Variants in PPEF1 observed in about 807,000 individuals in gnomAD.
The protein encoded by PPEF1 is protein phosphatase with EF-hand domain 1, also known as serine/threonine-protein phosphatase with EF-hands 1.
A neutral mutation model predicts 53.3 loss-of-function variants in PPEF1; 12 were observed. The ratio of observed to expected loss-of-function variants is 0.23; its 90% CI spans 0.14 to 0.36. The LOEUF is 0.36. Among genes scored for constraint, PPEF1 ranks in the 10% least tolerant of loss-of-function variants. The pLI, the probability that PPEF1 is intolerant of heterozygous loss-of-function variation, is 1.00. For synonymous variants in PPEF1, 165 were observed against 176.7 expected, an observed-to-expected ratio of 0.93 and a Z score of 0.52; for missense variants, 334 against 490.4, an observed-to-expected ratio of 0.68 and a Z score of 3.01.
chrX:18,776,805 A>G (rs1380944955), intron 6 of PPEF1, among the ~76,000 whole-genome samples: 1 of 111,493 alleles, frequency 9.0e-6, no homozygotes, highest in Non-Finnish European at 1.9e-5. Context: ...CTGTAATCCC[A>G]GCTACTCGGG....
chrX:18,708,771 G>T (rs758167648), intron 1 of PPEF1, among the ~76,000 whole-genome samples: 19 of 112,087 alleles, frequency 1.7e-4, no homozygotes, highest in African/African-American at 6.1e-4. Flanking sequence ...CTGAAAGTAG[G>T]AAGGGACATA....
intron 12 of PPEF1, among the ~76,000 whole-genome samples, chrX:18,808,533 A>T (rs764934763): frequency 1.1e-5 from 1 of 87,207 alleles, no homozygotes; most frequent in African/African-American, 4.1e-5. Flanking sequence ...ATATATAAGG[A>T]ACTCATACGA....
upstream of PPEF1, among the ~76,000 whole-genome samples, chrX:18,680,049 A>G (rs1355112974): frequency 9.5e-6 from 1 of 104,781 alleles, no homozygotes; most frequent in Non-Finnish European, 1.9e-5. Context: ...TGACTGTGCC[A>G]TTACACCCCA....
intron 13 of PPEF1, 106 bp from the exon 14 acceptor site, chrX:18,823,817 G>A: frequency 1.1e-6 from 1 of 871,324 alleles, no homozygotes; most frequent in Non-Finnish European, 1.6e-6. Context: ...GATAAATTAT[G>A]AGGGAGAGCA....
At chrX:18,750,951 A>T in intron 4 of PPEF1, among the ~76,000 whole-genome samples, 1 of 111,456 alleles carries the variant, frequency 9.0e-6, no homozygotes, top group Non-Finnish European at 1.9e-5. Context: ...GATGTTGAGC[A>T]TCTTTTTATG....
At chrX:18,681,212 C>T (rs1602333217), upstream of PPEF1, among the ~76,000 whole-genome samples, 1 of 111,680 alleles carries the variant, frequency 9.0e-6, no homozygotes, top group Non-Finnish European at 1.9e-5. Context: ...CTCTTGACCT[C>T]GTGATCCGCC....
intron 3 of PPEF1, among the ~76,000 whole-genome samples, chrX:18,745,618 T>G (rs757669218): frequency 2.4e-4 from 27 of 111,616 alleles, no homozygotes; most frequent in Non-Finnish European, 4.1e-4. Flanking sequence ...CATGTCTTAT[T>G]GCATTGGCCA....
At position 18,819,010 on chromosome X, in the gene PPEF1, T is replaced by G. The variant is rs769526665; in HGVS notation, c.1501+865T>G. Among the ~76,000 whole-genome samples the G allele has an allele frequency of 1.1e-4, 12 of 111,745 alleles. No homozygotes were observed. The East Asian group carries it at 2.8e-3, about 26-fold the overall frequency. On this transcript the variant is annotated intron_variant, in intron 13 of 15. Transcript: ENST00000470157. ...ACCCTCAAAGTGGCTAAAGTTGTCC[T>G]AAGTCTGTAATGCTCCCTGACTCCT...
intron 6 of PPEF1, among the ~76,000 whole-genome samples, chrX:18,771,092 G>A (rs1032376236): frequency 1.2e-4 from 13 of 111,888 alleles, no homozygotes; most frequent in Admixed American, 7.6e-4. Context: ...TGGGGCCAGT[G>A]CACTGTTCAT....
intron 2 of PPEF1, among the ~76,000 whole-genome samples, chrX:18,731,228 T>C (rs2044831788): frequency 8.9e-6 from 1 of 112,200 alleles, no homozygotes; most frequent in African/African-American, 3.2e-5. Flanking sequence ...CAGGAAATTG[T>C]TTACAGTAGT....
At chrX:18,693,564 T>G (rs1021528708) in intron 4 of PPEF1, among the ~76,000 whole-genome samples, 2 of 112,148 alleles carry the variant, frequency 1.8e-5, no homozygotes, top group African/African-American at 6.5e-5. Flanking sequence ...CTGTGATTTA[T>G]TTTTTATTTT....
At chrX:18,739,185 C>T (rs769623329) in intron 3 of PPEF1, among the ~76,000 whole-genome samples, 71 of 112,753 alleles carry the variant, frequency 6.3e-4, no homozygotes, top group African/African-American at 2.1e-3. Context: ...CGAGGAGCTG[C>T]GTTCCTTTGG....
chrX:18,762,747 C>G (rs920460485), intron 6 of PPEF1, among the ~76,000 whole-genome samples: 1 of 111,679 alleles, frequency 9.0e-6, no homozygotes, highest in Non-Finnish European at 1.9e-5. Flanking sequence ...GTGAGAATGA[C>G]CAGAGGTCAC....
At chrX:18,679,564 C>G (rs1262400619), upstream of PPEF1, among the ~76,000 whole-genome samples, 1 of 111,996 alleles carries the variant, frequency 8.9e-6, no homozygotes, top group Non-Finnish European at 1.9e-5. Context: ...ACACTCTAAT[C>G]AAAGCCACTA....
At chrX:18,677,592 C>T (rs746998195) in intron 1 of PPEF1, among the ~76,000 whole-genome samples, 3 of 111,283 alleles carry the variant, frequency 2.7e-5, no homozygotes, top group African/African-American at 9.8e-5. Context: ...GTCTTATCTC[C>T]GTAAACCTCC....
At chrX:18,723,047 T>C (rs763935445) in intron 1 of PPEF1, among the ~76,000 whole-genome samples, 61 of 108,705 alleles carry the variant, frequency 5.6e-4, no homozygotes, top group Middle Eastern at 4.6e-3. Context: ...TGCAGTGGTG[T>C]GATCTCGGCT....
At chrX:18,711,878 C>G (rs12007382) in intron 1 of PPEF1, among the ~76,000 whole-genome samples, 1 of 109,365 alleles carries the variant, frequency 9.1e-6, no homozygotes, top group Admixed American at 9.8e-5. Context: ...CCTCAGCCTC[C>G]GGAGTAGCTG....
intron 5 of PPEF1, among the ~76,000 whole-genome samples, chrX:18,760,090 G>A (rs1306736178): frequency 9.0e-6 from 1 of 110,986 alleles, no homozygotes; most frequent in Non-Finnish European, 1.9e-5. Flanking sequence ...GGGCTCCAGC[G>A]ATTCTCCTGC....
At chrX:18,720,676 C>T (rs1416315006) in intron 1 of PPEF1, among the ~76,000 whole-genome samples, 2 of 111,973 alleles carry the variant, frequency 1.8e-5, no homozygotes, top group African/African-American at 6.5e-5. Flanking sequence ...GTAGTGGTGG[C>T]AACCTAGGCT....
Sources: allele counts gnomAD v4.1 joint callset (sites outside exome capture counted in the v4.1 genomes callset), GRCh38; gene constraint gnomAD v4.1.1; transcripts MANE v1.5; gene names NCBI Gene and HGNC (gene_info 2026-07-23, HGNC 2026-07-21).